The following CDC37L1 variants were observed in gnomAD, a reference collection of about 807,000 sequenced individuals.
CDC37L1 encodes hsp90 co-chaperone Cdc37-like 1.
CDC37L1 carries 32 observed loss-of-function variants against 45.9 expected under a neutral mutation model. That is an observed-to-expected ratio of 0.70 (90% CI 0.53 to 0.94). The LOEUF is 0.94. CDC37L1 is among the 40% of genes least tolerant of loss of function. The probability of loss-of-function intolerance (pLI) is 0.00; values close to 1 mark genes in which losing one functional copy is unlikely to be tolerated. For missense variants in CDC37L1, 434 were observed against 405.7 expected (o/e 1.07, Z -0.60); for synonymous variants, 150 against 133.0 (o/e 1.13, Z -0.88).
chr9:4,691,420 C>T (rs1374332079), intron 3 of CDC37L1, among the ~76,000 whole-genome samples: 4 of 152,146 alleles, frequency 2.6e-5, no homozygotes, highest in African/African-American at 4.8e-5. Context: ...TGAGAATATG[C>T]GGTATTTGGT....
chr9:4,683,613 A>T lies in CDC37L1; in HGVS notation c.133-1264A>T, dbSNP rs1363703204. 3.3e-5 allele frequency among the ~76,000 whole-genome samples: 5 copies of T among 152,274 alleles called. No homozygotes were observed. The East Asian group carries it at 9.7e-4, about 29-fold the overall frequency. On this transcript the variant is annotated intron_variant, in intron 1 of 6. Coordinates refer to ENST00000381854, the MANE Select transcript of CDC37L1 (RefSeq NM_017913.4). The stretch of plus-strand genomic sequence containing the variant: ...AACATCACGAAGGGCTTTGCCACAG[A>T]GTATGTACTTTATCCCAAAGCTAAG...
chr9:4,705,045 C>CT (rs1841429995), intron 6 of CDC37L1, among the ~76,000 whole-genome samples: 1 of 152,136 alleles, frequency 6.6e-6, no homozygotes, highest in Non-Finnish European at 1.5e-5. Context: ...AGCTTTTTGA[C>CT]TTTTAGAATA....
intron 2 of CDC37L1, among the ~76,000 whole-genome samples, chr9:4,686,387 C>G (rs370543359): frequency 6.6e-6 from 1 of 152,032 alleles, no homozygotes; most frequent in African/African-American, 2.4e-5. Context: ...TCTCCCCCTC[C>G]ACAATGGGAT....
At chr9:4,699,535 A>G (rs1226576181) in intron 5 of CDC37L1, among the ~76,000 whole-genome samples, 1 of 152,228 alleles carries the variant, frequency 6.6e-6, no homozygotes, top group Non-Finnish European at 1.5e-5. Context: ...TAGATGCTAA[A>G]TGGATATATC....
At position 4,697,105 on chromosome 9, in the gene CDC37L1, G is replaced by C. The variant is rs1841354682; in HGVS notation, c.518G>C (p.Ser173Thr). 1 of 1,484,150 alleles carries C rather than the reference G, an allele frequency of 6.7e-7. No individual in the cohort carries two copies. 91.9% of individuals were successfully genotyped at this position (1,484,150 alleles called of 1,614,324 possible). A position where few individuals can be genotyped will look rare whatever the true frequency, so the allele number is the denominator to read the frequency against. The change falls in exon 4 of 7, where the codon AGT becomes ACT. Residue 173 changes from serine to threonine, a missense_variant. Physicochemically the swap from Ser to Thr is moderately conservative, Grantham distance 58 (BLOSUM62 1). Transcript: ENST00000381854. ...ATTCTTTTTTTTACAGGTATGTTGAGTCGATGGGATGATAGCCAGAGATTT... is the reference window on the plus strand; with the variant it reads ...ATTCTTTTTTTTACAGGTATGTTGACTCGATGGGATGATAGCCAGAGATTT... Reference protein sequence around the residue: ...EQKIRHFGMLSRWDDSQRFLS... With the variant: ...EQKIRHFGMLTRWDDSQRFLS...
chr9:4,705,887 C>A, intron 6 of CDC37L1, 124 bp from the exon 7 acceptor site: 1 of 422,662 alleles, frequency 2.4e-6, no homozygotes, highest in Non-Finnish European at 4.3e-6. Context: ...ATCTTCTTTC[C>A]TACTGCTCTA....
intron 3 of CDC37L1, among the ~76,000 whole-genome samples, chr9:4,689,336 T>A (rs1473199226): frequency 2.6e-5 from 4 of 152,148 alleles, no homozygotes; most frequent in Middle Eastern, 3.4e-3. Context: ...TTTTTTTTTT[T>A]AATTCCAAGT....
At chr9:4,702,398 G>A (rs1841407073) in intron 6 of CDC37L1, among the ~76,000 whole-genome samples, 2 of 152,150 alleles carry the variant, frequency 1.3e-5, no homozygotes, top group South Asian at 4.1e-4. Context: ...AGGATGATTA[G>A]CTTCAAAGTG....
At chr9:4,695,119 G>A (rs1003030740) in intron 3 of CDC37L1, among the ~76,000 whole-genome samples, 1 of 152,166 alleles carries the variant, frequency 6.6e-6, no homozygotes, top group African/African-American at 2.4e-5. Context: ...TGCTTCATAG[G>A]ATTTACTTTG....
intron 4 of CDC37L1, 110 bp downstream of exon 4, chr9:4,697,321 G>A: frequency 6.2e-6 from 4 of 644,054 alleles, no homozygotes; most frequent in Non-Finnish European, 8.2e-6. Context: ...AAGAAAGCAG[G>A]AAGGTCATTA....
At chr9:4,682,761 C>T (rs2130841903) in intron 1 of CDC37L1, among the ~76,000 whole-genome samples, 1 of 152,158 alleles carries the variant, frequency 6.6e-6, no homozygotes, top group South Asian at 2.1e-4. Context: ...GCGTGAGCCA[C>T]TGAGCCCAGC....
chr9:4,700,001 A>T (rs924525486), intron 5 of CDC37L1, among the ~76,000 whole-genome samples: 2 of 150,768 alleles, frequency 1.3e-5, no homozygotes, highest in Non-Finnish European at 3.0e-5. Context: ...TTTTTATATT[A>T]AAAAAAAACT....
rs1841448504 is a variant in CDC37L1 at position 4,706,896 on chromosome 9, G to A, written c.*784G>A. On this transcript the variant is annotated 3_prime_UTR_variant, in exon 7 of 7. Transcript: ENST00000381854. ...TAGTCTGGGATCTCTCAGGGAGTAA[G>A]TTTTAAAAGAATACTAATGGCTTGT... 1 of 152,142 alleles carries A rather than the reference G, an allele frequency of 6.6e-6. No individual in the cohort carries two copies. Among genetic ancestry groups the A allele is most frequent in the Non-Finnish European group, 1.5e-5 (1 of 68,026 alleles). 9.4% of individuals were successfully genotyped at this position (152,142 alleles called of 1,614,324 possible).
At chr9:4,705,550 A>C (rs1012953697) in intron 6 of CDC37L1, among the ~76,000 whole-genome samples, 2 of 152,114 alleles carry the variant, frequency 1.3e-5, no homozygotes, top group African/African-American at 4.8e-5. Flanking sequence ...ACCACAATAG[A>C]CCCTGAAGAT....
intron 6 of CDC37L1, among the ~76,000 whole-genome samples, chr9:4,705,418 AT>A (rs1841433221): frequency 6.6e-6 from 1 of 152,134 alleles, no homozygotes; most frequent in Non-Finnish European, 1.5e-5. Flanking sequence ...CAAGCATAAC[AT>A]TTATGAGTTT....
rs1563766411 is a variant in CDC37L1, at chr9:4,682,159, C to CTTTTT, written c.132+2261_132+2262insTTTTT. On this transcript the variant is annotated intron_variant, in intron 1 of 6. Coordinates refer to ENST00000381854, the MANE Select transcript of CDC37L1 (RefSeq NM_017913.4). ...TACTTTTCTTGATATATTATCCTTT[C>CTTTTT]TCTTTTTTTTTTTTTTTTTTTGAGG... 1.0e-4 allele frequency among the ~76,000 whole-genome samples: 5 copies of CTTTTT among 48,458 alleles called. 1 individual carries two copies. Among genetic ancestry groups the CTTTTT allele is most frequent in the Admixed American group, 1.8e-4 (1 of 5,466 alleles). The allele number at this position is 48,458 out of a possible 152,430, so 31.8% of individuals were successfully genotyped here. A position where few individuals can be genotyped will look rare whatever the true frequency, so the allele number is the denominator to read the frequency against.
At chr9:4,703,933 A>G (rs879673010) in intron 6 of CDC37L1, among the ~76,000 whole-genome samples, 11 of 152,188 alleles carry the variant, frequency 7.2e-5, no homozygotes, top group African/African-American at 1.4e-4. Flanking sequence ...TGGGAGACCA[A>G]TTCCTTATGG....
At chr9:4,704,170 T>C (rs1319092728) in intron 6 of CDC37L1, among the ~76,000 whole-genome samples, 1 of 152,236 alleles carries the variant, frequency 6.6e-6, no homozygotes, top group Non-Finnish European at 1.5e-5. Flanking sequence ...GTAAAGCACT[T>C]TCACACATAT....
At chr9:4,698,631 G>A (rs184004238) in intron 5 of CDC37L1, among the ~76,000 whole-genome samples, 5 of 152,146 alleles carry the variant, frequency 3.3e-5, no homozygotes, top group Admixed American at 2.0e-4. Flanking sequence ...AGTTGAACAA[G>A]TGCCTGCCTT....
Sources: allele counts gnomAD v4.1 joint callset (sites outside exome capture counted in the v4.1 genomes callset), GRCh38; gene constraint gnomAD v4.1.1; transcripts MANE v1.5; gene names NCBI Gene and HGNC (gene_info 2026-07-23, HGNC 2026-07-21).